Variants in CDIN1 observed in about 807,000 individuals in gnomAD.
CDIN1 encodes the protein CDAN1-interacting nuclease 1.
A neutral mutation model predicts 45.3 loss-of-function variants in CDIN1; 33 were observed. The observed-to-expected ratio is 0.73, with a 90% CI of 0.55 to 0.97. CDIN1 has a LOEUF of 0.97. CDIN1 is among the 50% of genes least tolerant of loss of function. CDIN1 has a pLI of 0.00. For missense variants in CDIN1, 303 were observed against 339.4 expected, an observed-to-expected ratio of 0.89 and a Z score of 0.84; for synonymous variants, 118 against 124.4, an observed-to-expected ratio of 0.95 and a Z score of 0.34.
intron 8 of CDIN1, among the ~76,000 whole-genome samples, chr15:36,702,727 C>T (rs2042688214): frequency 6.6e-6 from 1 of 152,098 alleles, no homozygotes; most frequent in Middle Eastern, 3.2e-3. Context: ...TAATAGGATC[C>T]AGAAGGCAAA....
At chr15:36,741,660 A>G (rs1647368278) in intron 10 of CDIN1, among the ~76,000 whole-genome samples, 1 of 152,062 alleles carries the variant, frequency 6.6e-6, no homozygotes, top group Admixed American at 6.5e-5. Flanking sequence ...TCTGAGTGTC[A>G]TGAGGAGAGG....
intron 8 of CDIN1, among the ~76,000 whole-genome samples, chr15:36,697,758 G>A (rs1180342260): frequency 2.0e-5 from 3 of 151,976 alleles, no homozygotes; most frequent in East Asian, 3.9e-4. Flanking sequence ...ATTCATGTTG[G>A]GTATATTTGT....
chr15:36,766,624 C>T (rs1036873203), intron 10 of CDIN1, among the ~76,000 whole-genome samples: 2 of 152,102 alleles, frequency 1.3e-5, no homozygotes, highest in Admixed American at 6.5e-5. Context: ...AACAGGTGAG[C>T]GGTGATATCT....
At chr15:36,800,884 T>TG (rs2055000408) in intron 10 of CDIN1, among the ~76,000 whole-genome samples, 2 of 20,854 alleles carry the variant, frequency 9.6e-5, no homozygotes, top group Admixed American at 7.8e-4. Context: ...TATATATGTG[T>TG]GTGTGTGTGT....
At chr15:36,707,923 A>AT (rs1184275039) in intron 8 of CDIN1, 2 of 152,104 alleles carry the variant, frequency 1.3e-5, no homozygotes, top group Non-Finnish European at 2.9e-5. Flanking sequence ...TTAACTTGAG[A>AT]TTTTTTATAT....
intron 5 of CDIN1, among the ~76,000 whole-genome samples, chr15:36,687,237 G>C (rs574864028): frequency 8.7e-4 from 133 of 152,092 alleles, no homozygotes; most frequent in Non-Finnish European, 1.8e-3. Flanking sequence ...ATGTAAATGG[G>C]TTAAATTCAC....
At chr15:36,697,220 TG>T in intron 7 of CDIN1, 102 bp from the exon 8 acceptor site, 1 of 850,450 alleles carries the variant, frequency 1.2e-6, no homozygotes, top group Non-Finnish European at 2.0e-6. Context: ...CTCCAAGATG[TG>T]GACTAAGGGT....
At chr15:36,582,081 C>T (rs1430393664) in intron 1 of CDIN1, among the ~76,000 whole-genome samples, 4 of 152,254 alleles carry the variant, frequency 2.6e-5, no homozygotes, top group Middle Eastern at 3.4e-3. Flanking sequence ...TTTGAATTTT[C>T]CCTTGAAAGC....
Position 36,697,328 on chromosome 15 carries a change from T to C in CDIN1, c.482T>C (p.Ile161Thr), listed in dbSNP as rs756521970. Residue 161 changes from isoleucine (I) to threonine (T), a missense_variant, in exon 8 of 11, where the codon ATT becomes ACT. Ile to Thr is a moderately conservative substitution (Grantham distance 89). Coordinates refer to ENST00000566621, the MANE Select transcript of CDIN1 (RefSeq NM_001321759.2). Reference protein sequence around the residue: ...GPLVDCIKHAIGHEHEVLLRD... With the variant: ...GPLVDCIKHATGHEHEVLLRD... ...CCTTAACTGAAACTTCCCAGTGCCATTGGTCATGAGCATGAGGTCCTGCTG... is the reference window on the plus strand; with the variant it reads ...CCTTAACTGAAACTTCCCAGTGCCACTGGTCATGAGCATGAGGTCCTGCTG... 3.7e-6 allele frequency: 6 copies of C among 1,612,654 alleles called. No homozygotes were observed. Among genetic ancestry groups the C allele is most frequent in the Non-Finnish European group, 5.1e-6 (6 of 1,179,388 alleles).
Position 36,726,015 on chromosome 15 carries a change from A to G in CDIN1, c.716+16054A>G, listed in dbSNP as rs566549801. Among the ~76,000 whole-genome samples the G allele has an allele frequency of 3.3e-5, 5 of 152,344 alleles. No homozygotes were observed. The East Asian group carries it at 9.6e-4, about 29-fold the overall frequency. The stretch of plus-strand genomic sequence containing the variant: ...TACATATTTGTCATAATATTGGAAA[A>G]AGGAGTATTCAAGTATTTCAGTGGT... On this transcript the variant is annotated intron_variant, in intron 10 of 10. Coordinates refer to ENST00000566621, the MANE Select transcript of CDIN1 (RefSeq NM_001321759.2).
intron 5 of CDIN1, among the ~76,000 whole-genome samples, chr15:36,683,986 G>A (rs2041950683): frequency 7.2e-6 from 1 of 139,390 alleles, no homozygotes; most frequent in East Asian, 2.0e-4. Context: ...TGAGACAATG[G>A]AGTTTTCTAG....
chr15:36,736,936 G>A (rs373708999), intron 10 of CDIN1, among the ~76,000 whole-genome samples: 1 of 152,176 alleles, frequency 6.6e-6, no homozygotes, highest in African/African-American at 2.4e-5. Context: ...GGAGGCTGAG[G>A]CGAGCGGATC....
intron 10 of CDIN1, among the ~76,000 whole-genome samples, chr15:36,728,283 C>A (rs2043711628): frequency 6.6e-6 from 1 of 152,134 alleles, no homozygotes; most frequent in African/African-American, 2.4e-5. Context: ...TTCTCCCACC[C>A]CCCTACCATT....
At chr15:36,616,023 A>G (rs2038870277) in intron 1 of CDIN1, among the ~76,000 whole-genome samples, 1 of 152,152 alleles carries the variant, frequency 6.6e-6, no homozygotes, top group South Asian at 2.1e-4. Context: ...AAGAGCATCG[A>G]TGGGGGAAAA....
intron 10 of CDIN1, among the ~76,000 whole-genome samples, chr15:36,715,346 G>GT: frequency 6.6e-6 from 1 of 152,320 alleles, no homozygotes; most frequent in South Asian, 2.1e-4. Context: ...TGGTCTGGCA[G>GT]TTGCTTTCTC....
intron 10 of CDIN1, among the ~76,000 whole-genome samples, chr15:36,727,482 GC>G (rs1175019250): frequency 2.6e-5 from 4 of 152,142 alleles, no homozygotes; most frequent in Non-Finnish European, 5.9e-5. Context: ...TGTGAAGGCA[GC>G]GAAAAATGTT....
chr15:36,592,181 G>A (rs1218502210), intron 1 of CDIN1, among the ~76,000 whole-genome samples: 1 of 152,204 alleles, frequency 6.6e-6, no homozygotes, highest in Non-Finnish European at 1.5e-5. Context: ...TGGCCAAACA[G>A]AACAAGTCTG....
chr15:36,754,202 G>A (rs528911254), intron 10 of CDIN1, among the ~76,000 whole-genome samples: 80 of 152,180 alleles, frequency 5.3e-4, no homozygotes, highest in Non-Finnish European at 9.6e-4. Context: ...TCTTCATAAT[G>A]GAGGTCAGGT....
At chr15:36,605,086 A>G (rs1224512574) in intron 1 of CDIN1, among the ~76,000 whole-genome samples, 1 of 152,182 alleles carries the variant, frequency 6.6e-6, no homozygotes, top group Admixed American at 6.5e-5. Flanking sequence ...GACTTTCTCA[A>G]ACTTTGAATC....
Sources: allele counts gnomAD v4.1 joint callset (sites outside exome capture counted in the v4.1 genomes callset), GRCh38; gene constraint gnomAD v4.1.1; transcripts MANE v1.5; gene names NCBI Gene and HGNC (gene_info 2026-07-23, HGNC 2026-07-21).